The following ZC3H14 variants were observed in gnomAD, a reference collection of about 807,000 sequenced individuals.
The protein encoded by ZC3H14 is zinc finger CCCH domain-containing protein 14.
A neutral mutation model predicts 92.4 loss-of-function variants in ZC3H14; 31 were observed. The observed-to-expected ratio is 0.34, with a 90% CI of 0.25 to 0.45. The LOEUF (loss-of-function observed/expected upper bound fraction) is 0.45. Among genes scored for constraint, ZC3H14 ranks in the 20% least tolerant of loss-of-function variants. The probability of loss-of-function intolerance (pLI) is 1.00; values close to 1 mark genes in which losing one functional copy is unlikely to be tolerated. For missense variants in ZC3H14, 781 were observed against 897.3 expected (o/e 0.87, Z 1.66); for synonymous variants, 321 against 300.9 (o/e 1.07, Z -0.69).
Position 88,616,085 on chromosome 14 carries a change from T to TTA in ZC3H14, c.*4335_*4336dup. 1 of 1,562,980 alleles carries TTA rather than the reference T, an allele frequency of 6.4e-7. No individual in the cohort carries two copies. Among genetic ancestry groups the TTA allele is most frequent in the Non-Finnish European group, 8.8e-7 (1 of 1,134,160 alleles). ...AACCAAAGCTGTAGGAGTTGTTGTA[T>TTA]TAAGTCTCTTAACTAGTAACATAGT... On this transcript the variant is annotated 3_prime_UTR_variant, in exon 17 of 17. Coordinates refer to ENST00000251038, the MANE Select transcript of ZC3H14 (RefSeq NM_024824.5).
At chr14:88,610,279 C>T (rs1487533380) in intron 15 of ZC3H14, among the ~76,000 whole-genome samples, 3 of 152,146 alleles carry the variant, frequency 2.0e-5, no homozygotes, top group African/African-American at 7.2e-5. Flanking sequence ...TTGCCCCCAT[C>T]TGTAACTGGG....
chr14:88,571,068 T>G lies in ZC3H14; in HGVS notation c.195-16T>G. The G allele has an allele frequency of 2.0e-6, 3 of 1,533,840 alleles. No individual in the cohort carries two copies. Among genetic ancestry groups the G allele is most frequent in the Non-Finnish European group, 2.6e-6 (3 of 1,138,950 alleles). On this transcript the variant is annotated splice_polypyrimidine_tract_variant and intron_variant, in intron 3 of 16. Coordinates refer to ENST00000251038, the MANE Select transcript of ZC3H14 (RefSeq NM_024824.5). ...TTAACAGAAGGTTTATTTTTGTTTT[T>G]TGTTTTTTTCCTCAGGCTTCATGGT...
In ZC3H14 at chr14:88,614,374, A is replaced by C. The variant is rs2087279344; in HGVS notation, c.*2623A>C. On this transcript the variant is annotated 3_prime_UTR_variant, in exon 17 of 17. Coordinates refer to ENST00000251038, the MANE Select transcript of ZC3H14 (RefSeq NM_024824.5). Reference sequence around the variant, plus strand: ...CAGTCCTTCAGCCACAGCTATTTAGAGCTTTAAAACTACCAGGTTCAATCA... The same window carrying C: ...CAGTCCTTCAGCCACAGCTATTTAGCGCTTTAAAACTACCAGGTTCAATCA... 2 of 152,172 alleles carry C rather than the reference A, an allele frequency of 1.3e-5. No homozygotes were observed. Among genetic ancestry groups the C allele is most frequent in the African/African-American group, 4.8e-5 (2 of 41,444 alleles). 9.4% of individuals were successfully genotyped at this position (152,172 alleles called of 1,614,324 possible).
rs192352666 is a variant in ZC3H14 at position 88,616,308 on chromosome 14, G to T, written c.*4557G>T. 1.0e-4 allele frequency: 145 copies of T among 1,440,254 alleles called. No homozygotes were observed. Among genetic ancestry groups the T allele is most frequent in the Admixed American group, 3.0e-4 (18 of 59,646 alleles). The allele number at this position is 1,440,254 out of a possible 1,614,324, so 89.2% of individuals were successfully genotyped here. On this transcript the variant is annotated 3_prime_UTR_variant, in exon 17 of 17. Coordinates refer to ENST00000251038, the MANE Select transcript of ZC3H14 (RefSeq NM_024824.5). ...CACAGAAGTCAAAGGCTCTTATTAG[G>T]AACTATAATCTCTATGACAAGAGCT...
At position 88,617,021 on chromosome 14, in the gene ZC3H14, G is replaced by A. The variant is rs746620613; in HGVS notation, c.*5270G>A. ...GAAGTAAATTATGGTAAGTTGTTTG[G>A]AGACCTGAATTTCATCAGGATATCA... On this transcript the variant is annotated 3_prime_UTR_variant, in exon 17 of 17. Transcript: ENST00000251038. 1.5e-6 allele frequency: 1 copy of A among 659,914 alleles called. No homozygotes were observed. Among genetic ancestry groups the A allele is most frequent in the East Asian group, 2.7e-5 (1 of 37,136 alleles). 40.9% of individuals were successfully genotyped at this position (659,914 alleles called of 1,614,324 possible).
chr14:88,621,767 G>T lies in ZC3H14; in HGVS notation c.*10016G>T. 1 of 342,928 alleles carries T rather than the reference G, an allele frequency of 2.9e-6. No homozygotes were observed. The highest frequency in any genetic ancestry group is 2.4e-5 in the South Asian group (1 of 41,796). 21.2% of individuals were successfully genotyped at this position (342,928 alleles called of 1,614,324 possible). On this transcript the variant is annotated 3_prime_UTR_variant, in exon 17 of 17. Coordinates refer to ENST00000251038, the MANE Select transcript of ZC3H14 (RefSeq NM_024824.5). ...ACGCTCAAAAATTTTCATAGGAGTT[G>T]TAGTTTTGAATTTTTATTTTGAAAT...
At chr14:88,586,146 C>T (rs935593074) in intron 9 of ZC3H14, among the ~76,000 whole-genome samples, 6 of 152,114 alleles carry the variant, frequency 3.9e-5, no homozygotes, top group Non-Finnish European at 7.4e-5. Flanking sequence ...CCAGCCTGAG[C>T]GACAAAGCGA....
Position 88,619,056 on chromosome 14 carries a change from C to T in ZC3H14, c.*7305C>T, listed in dbSNP as rs536229352. Reference sequence around the variant, plus strand: ...TGTCATCTCCCAATTCCTTTAAAAACGTCTAATGGCTTAAAAAAACTTTCT... The same window carrying T: ...TGTCATCTCCCAATTCCTTTAAAAATGTCTAATGGCTTAAAAAAACTTTCT... On this transcript the variant is annotated 3_prime_UTR_variant, in exon 17 of 17. Coordinates refer to ENST00000251038, the MANE Select transcript of ZC3H14 (RefSeq NM_024824.5). 51 of 306,080 alleles carry T rather than the reference C, an allele frequency of 1.7e-4. No homozygotes were observed. Among genetic ancestry groups the T allele is most frequent in the Admixed American group, 3.4e-4 (7 of 20,628 alleles). The allele number at this position is 306,080 out of a possible 1,614,324, so 19.0% of individuals were successfully genotyped here.
chr14:88,571,614 A>G (rs957629523), intron 4 of ZC3H14, among the ~76,000 whole-genome samples: 1 of 152,194 alleles, frequency 6.6e-6, no homozygotes, highest in Non-Finnish European at 1.5e-5. Context: ...AAAATTTTCT[A>G]CAATAAACAT....
At chr14:88,586,028 C>T (rs576958246) in intron 9 of ZC3H14, among the ~76,000 whole-genome samples, 1 of 152,236 alleles carries the variant, frequency 6.6e-6, no homozygotes, top group East Asian at 1.9e-4. Flanking sequence ...ATTAGCCAGG[C>T]ATGGTGGCAC....
chr14:88,605,837 T>A (rs1021123491), intron 12 of ZC3H14, among the ~76,000 whole-genome samples: 3 of 152,234 alleles, frequency 2.0e-5, no homozygotes, highest in African/African-American at 7.2e-5. Flanking sequence ...CTATTACGAC[T>A]GGTTGCCTGT....
At position 88,616,500 on chromosome 14, in the gene ZC3H14, G is replaced by C. The variant is rs1451666283; in HGVS notation, c.*4749G>C. 8 of 600,418 alleles carry C rather than the reference G, an allele frequency of 1.3e-5. No homozygotes were observed. The East Asian group carries it at 2.2e-4, about 17-fold the overall frequency. 37.2% of individuals were successfully genotyped at this position (600,418 alleles called of 1,614,324 possible). A position where few individuals can be genotyped will look rare whatever the true frequency, so the allele number is the denominator to read the frequency against. On this transcript the variant is annotated 3_prime_UTR_variant, in exon 17 of 17. Coordinates refer to ENST00000251038, the MANE Select transcript of ZC3H14 (RefSeq NM_024824.5). ...AAATTTGATAACTGATTATAGGTTTGGTGAAAAGCTAATTACAGCTTTTGT... is the reference window on the plus strand; with the variant it reads ...AAATTTGATAACTGATTATAGGTTTCGTGAAAAGCTAATTACAGCTTTTGT...
At chr14:88,600,878 C>G (rs1188036582) in intron 10 of ZC3H14, among the ~76,000 whole-genome samples, 1 of 152,184 alleles carries the variant, frequency 6.6e-6, no homozygotes, top group Non-Finnish European at 1.5e-5. Context: ...TCCAGCCATT[C>G]CACATTCTAA....
intron 13 of ZC3H14, among the ~76,000 whole-genome samples, 200 bp downstream of exon 13, chr14:88,607,563 CCCCCATCTCACCCTGCAAGTACCATCT>C (rs1595095055): frequency 1.4e-5 from 2 of 143,488 alleles, no homozygotes; most frequent in Admixed American, 1.4e-4. Context: ...CAAGTACCAT[CCCCCATCTCACCCTGCAAGTACCATCT>C]CCCCATCTCA....
Position 88,621,724 on chromosome 14 carries a change from C to T in ZC3H14, c.*9973C>T. On this transcript the variant is annotated 3_prime_UTR_variant, in exon 17 of 17. Transcript: ENST00000251038. ...ATAATATCCGTATGATTTATAAATA[C>T]ACTTAATAAGTACAAACACGCTCAA... The T allele has an allele frequency of 3.3e-6, 1 of 299,370 alleles. No individual in the cohort carries two copies. The highest frequency in any genetic ancestry group is 3.2e-5 in the South Asian group (1 of 31,600). 18.5% of individuals were successfully genotyped at this position (299,370 alleles called of 1,614,324 possible). A position where few individuals can be genotyped will look rare whatever the true frequency, so the allele number is the denominator to read the frequency against.
In ZC3H14 at chr14:88,622,023, A is replaced by ATCCCCC. The variant is rs965293097; in HGVS notation, c.*10286_*10291dup. 9.0e-6 allele frequency: 3 copies of ATCCCCC among 332,072 alleles called. No individual in the cohort carries two copies. Among genetic ancestry groups the ATCCCCC allele is most frequent in the African/African-American group, 2.1e-5 (1 of 47,332 alleles). 20.6% of individuals were successfully genotyped at this position (332,072 alleles called of 1,614,324 possible). On this transcript the variant is annotated 3_prime_UTR_variant, in exon 17 of 17. Transcript: ENST00000251038. The stretch of plus-strand genomic sequence containing the variant: ...TGTATCCTTTAACCAGTCCTTCCCT[A>ATCCCCC]TCCCCCTCCCCCTCCCCCTTGTCCG...
rs1341635116 is a variant in ZC3H14 at position 88,627,330 on chromosome 14, C to T, written c.*15579C>T. The T allele has an allele frequency of 6.6e-6, 3 of 457,556 alleles. No homozygotes were observed. Among genetic ancestry groups the T allele is most frequent in the Non-Finnish European group, 1.2e-5 (3 of 259,528 alleles). 28.3% of individuals were successfully genotyped at this position (457,556 alleles called of 1,614,324 possible). On this transcript the variant is annotated 3_prime_UTR_variant, in exon 17 of 17. Transcript: ENST00000251038. ...ATCTGCCATTATCATTAGAAATATA[C>T]ATAATTTTCATAAGAATCTCCAAAA...
chr14:88,587,837 A>G (rs759002199), intron 9 of ZC3H14, among the ~76,000 whole-genome samples: 6 of 152,046 alleles, frequency 3.9e-5, no homozygotes, highest in Non-Finnish European at 5.9e-5. Flanking sequence ...ACCTATAGTC[A>G]TGGCTACTCT....
rs770103861 is a variant in ZC3H14 at position 88,620,733 on chromosome 14, CTA to C, written c.*8984_*8985del. On this transcript the variant is annotated 3_prime_UTR_variant, in exon 17 of 17. Coordinates refer to ENST00000251038, the MANE Select transcript of ZC3H14 (RefSeq NM_024824.5). The surrounding 1 kb of genome is among the most constrained non-coding windows in gnomAD (Gnocchi z 4.3). Reference sequence around the variant, plus strand: ...TTAAATCAAGTATATACTAGAAACTCTATTCCATTTGTTCACTAACCTGATAT... The same window carrying C: ...TTAAATCAAGTATATACTAGAAACTCTTCCATTTGTTCACTAACCTGATAT... The C allele has an allele frequency of 3.2e-6, 5 of 1,543,714 alleles. No individual in the cohort carries two copies. Among genetic ancestry groups the C allele is most frequent in the East Asian group, 4.6e-5 (2 of 43,356 alleles).
Sources: allele counts gnomAD v4.1 joint callset (sites outside exome capture counted in the v4.1 genomes callset), GRCh38; gene constraint gnomAD v4.1.1; non-coding constraint Gnocchi (gnomAD v3.1); transcripts MANE v1.5; gene names NCBI Gene and HGNC (gene_info 2026-07-23, HGNC 2026-07-21).